CNTNAP2: variants seen among roughly 807,000 people sequenced by gnomAD.
CNTNAP2 encodes contactin associated protein 2, also known as contactin-associated protein-like 2.
In CNTNAP2, 98 loss-of-function variants were observed where a neutral mutation model predicts 155.2. That is an observed-to-expected ratio of 0.63 (90% CI 0.54 to 0.75). CNTNAP2 has a LOEUF of 0.75. Among genes scored for constraint, CNTNAP2 ranks in the 30% least tolerant of loss-of-function variants. CNTNAP2 has a pLI of 0.00. For synonymous variants in CNTNAP2, 651 were observed against 631.2 expected, an observed-to-expected ratio of 1.03 and a Z score of -0.47; for missense variants, 1,727 against 1,688.1, an observed-to-expected ratio of 1.02 and a Z score of -0.40.
intron 3 of CNTNAP2, among the ~76,000 whole-genome samples, chr7:146,924,961 A>G (rs959694757): frequency 2.6e-5 from 4 of 152,112 alleles, no homozygotes; most frequent in South Asian, 2.1e-4. Context: ...TTAAAAATGT[A>G]TGTTTTCTGA....
chr7:147,256,463 G>T (rs563359266), intron 8 of CNTNAP2, among the ~76,000 whole-genome samples: 54 of 152,270 alleles, frequency 3.5e-4, no homozygotes, highest in African/African-American at 1.3e-3. Context: ...GCAATATGCG[G>T]GTGTTAAATG....
At chr7:147,062,496 TAAAGACA>T (rs111561274) in intron 4 of CNTNAP2, among the ~76,000 whole-genome samples, 9,774 of 152,202 alleles carry the variant, frequency 0.064, 408 homozygotes, top group Middle Eastern at 0.13. Context: ...CTTTTGGGTT[TAAAGACA>T]AAATAAATGC....
intron 1 of CNTNAP2, among the ~76,000 whole-genome samples, chr7:146,203,062 CT>C (rs1562988576): frequency 6.6e-6 from 1 of 152,148 alleles, no homozygotes; most frequent in Admixed American, 6.5e-5. Flanking sequence ...AAAGAACAAA[CT>C]TTTCTCTATG....
intron 19 of CNTNAP2, 37 bp from the exon 20 acceptor site, chr7:148,229,609 G>A: frequency 6.2e-7 from 1 of 1,613,208 alleles, no homozygotes. Flanking sequence ...GAAATTTAGG[G>A]CAAACAAATT....
rs1802224741 is a variant in CNTNAP2, at chr7:147,171,436, T to C, written c.1348+38927T>C. Among the ~76,000 whole-genome samples the C allele has an allele frequency of 2.0e-5, 3 of 152,132 alleles. No homozygotes were observed. In the South Asian group the frequency reaches 6.2e-4, roughly 32 times the overall value. ...TGGAAACATGAGGAGAACAAATGCC[T>C]GCAAGGAAATCAAAACAGTGCTGTG... is the stretch of plus-strand genomic sequence containing the variant. On this transcript the variant is annotated intron_variant, in intron 8 of 23. Transcript: ENST00000361727.
intron 11 of CNTNAP2, among the ~76,000 whole-genome samples, chr7:147,495,123 G>A (rs1167096196): frequency 2.0e-5 from 3 of 152,104 alleles, no homozygotes; most frequent in Admixed American, 2.0e-4. Context: ...TTATAAGAAG[G>A]TAACATGTAT....
chr7:148,053,997 G>T (rs1459011301), intron 15 of CNTNAP2, among the ~76,000 whole-genome samples: 1 of 136,572 alleles, frequency 7.3e-6, no homozygotes, highest in Non-Finnish European at 1.5e-5. Context: ...TTTCAAGACA[G>T]AGTCTAGCTC....
chr7:146,496,038 C>A (rs113966247), intron 1 of CNTNAP2, among the ~76,000 whole-genome samples: 3 of 152,116 alleles, frequency 2.0e-5, no homozygotes, highest in Non-Finnish European at 4.4e-5. Flanking sequence ...CCCAGATGTG[C>A]CTTGATTGAG....
chr7:148,115,668 T>G (rs1202399031), intron 15 of CNTNAP2, among the ~76,000 whole-genome samples: 1 of 152,022 alleles, frequency 6.6e-6, no homozygotes, highest in Non-Finnish European at 1.5e-5. Context: ...AAGGCAGATG[T>G]TGAGGGGGGA....
intron 10 of CNTNAP2, among the ~76,000 whole-genome samples, chr7:147,465,714 C>A (rs144036844): frequency 2.0e-5 from 3 of 152,160 alleles, no homozygotes; most frequent in African/African-American, 7.2e-5. Flanking sequence ...TCTTGGTCCA[C>A]GTGTCTATGT....
At chr7:147,592,765 C>T (rs1013248718) in intron 12 of CNTNAP2, among the ~76,000 whole-genome samples, 7 of 152,208 alleles carry the variant, frequency 4.6e-5, no homozygotes, top group Admixed American at 2.6e-4. Flanking sequence ...TCTCTCCAAC[C>T]CACTGTGAAA....
At chr7:147,605,590 C>A (rs1477703596) in intron 12 of CNTNAP2, among the ~76,000 whole-genome samples, 1 of 152,114 alleles carries the variant, frequency 6.6e-6, no homozygotes, top group Non-Finnish European at 1.5e-5. Flanking sequence ...GGCATGGTGT[C>A]CGCCCTTCTT....
intron 15 of CNTNAP2, among the ~76,000 whole-genome samples, chr7:148,043,389 A>G (rs949093078): frequency 1.3e-5 from 2 of 152,214 alleles, no homozygotes; most frequent in African/African-American, 4.8e-5. Flanking sequence ...CGAAACACAC[A>G]GGAGGCCTCT....
intron 5 of CNTNAP2, among the ~76,000 whole-genome samples, chr7:147,119,024 T>G (rs994272347): frequency 3.3e-5 from 5 of 151,930 alleles, no homozygotes; most frequent in African/African-American, 1.2e-4. Context: ...CAAGACCCAA[T>G]AGAGGAAAAG....
intron 22 of CNTNAP2, among the ~76,000 whole-genome samples, chr7:148,404,100 G>T (rs1303876662): frequency 6.6e-6 from 1 of 152,234 alleles, no homozygotes; most frequent in Non-Finnish European, 1.5e-5. Flanking sequence ...TACCTGCATA[G>T]AAGGTTTTGT....
intron 1 of CNTNAP2, among the ~76,000 whole-genome samples, chr7:146,512,320 A>G (rs1797479309): frequency 6.6e-6 from 1 of 151,774 alleles, no homozygotes; most frequent in Non-Finnish European, 1.5e-5. Context: ...TTCTTGCCTC[A>G]TACTAATTTT....
At position 146,467,321 on chromosome 7, in the gene CNTNAP2, A is replaced by C. The variant is rs556868746; in HGVS notation, c.98-306950A>C. 2.0e-5 allele frequency among the ~76,000 whole-genome samples: 3 copies of C among 152,230 alleles called. No homozygotes were observed. In the South Asian group the frequency reaches 6.2e-4, roughly 32 times the overall value. ...CCAAGTATTTGTGATGGAGTCGTTG[A>C]CATGACTGATTTCAGTATCTCTAAG... On this transcript the variant is annotated intron_variant, in intron 1 of 23. Transcript: ENST00000361727.
intron 15 of CNTNAP2, chr7:148,056,709 A>AT (rs900052337): frequency 1.4e-4 from 21 of 152,164 alleles, no homozygotes; most frequent in African/African-American, 4.8e-4. Flanking sequence ...TGGTTCAAAT[A>AT]TTTTTGTACA....
chr7:148,081,395 C>T (rs1166936964), intron 15 of CNTNAP2, among the ~76,000 whole-genome samples: 1 of 152,030 alleles, frequency 6.6e-6, no homozygotes, highest in African/African-American at 2.4e-5. Context: ...GGCCGACCCA[C>T]CCTTAATCTG....
Sources: gnomAD v4.1 joint callset for allele counts (sites outside exome capture counted in the v4.1 genomes callset) on GRCh38, gnomAD v4.1.1 for gene constraint, MANE v1.5 for transcripts, NCBI Gene and HGNC (gene_info 2026-07-23, HGNC 2026-07-21) for gene names.